The following WWOX variants were observed in gnomAD, a reference collection of about 807,000 sequenced individuals.
WWOX encodes the protein WW domain-containing oxidoreductase.
A neutral mutation model predicts 46.2 loss-of-function variants in WWOX; 69 were observed. The observed-to-expected ratio is 1.49, with a 90% CI of 1.23 to 1.82. WWOX has a LOEUF of 1.82. Ranked by LOEUF, WWOX falls within the 40% of genes most tolerant of loss-of-function variation. The pLI, the probability that WWOX is intolerant of heterozygous loss-of-function variation, is 0.00. For missense variants in WWOX, 919 were observed against 542.6 expected (o/e 1.69, Z -6.89); for synonymous variants, 359 against 202.6 (o/e 1.77, Z -6.56).
intron 8 of WWOX, among the ~76,000 whole-genome samples, chr16:79,154,497 C>G (rs1318000551): frequency 2.3e-5 from 3 of 132,040 alleles, no homozygotes; most frequent in African/African-American, 8.8e-5. Context: ...TTAAAATCCT[C>G]TTTTGCAAAA....
At chr16:78,660,503 C>T (rs1169249467) in intron 8 of WWOX, among the ~76,000 whole-genome samples, 1 of 152,116 alleles carries the variant, frequency 6.6e-6, no homozygotes, top group Non-Finnish European at 1.5e-5. Context: ...AAAGCTCCTT[C>T]TGTCTTTTTT....
intron 6 of WWOX, among the ~76,000 whole-genome samples, chr16:78,415,280 C>G (rs963297161): frequency 6.6e-6 from 1 of 151,950 alleles, no homozygotes; most frequent in African/African-American, 2.4e-5. Context: ...GTGGGAGTGT[C>G]TCTTAGCGTG....
intron 8 of WWOX, among the ~76,000 whole-genome samples, chr16:78,847,818 G>A (rs1465601903): frequency 2.6e-5 from 4 of 151,986 alleles, no homozygotes; most frequent in Non-Finnish European, 5.9e-5. Context: ...TTCCCTCACC[G>A]CATCAACACC....
At chr16:78,383,321 G>C (rs1401756881) in intron 5 of WWOX, among the ~76,000 whole-genome samples, 1 of 152,156 alleles carries the variant, frequency 6.6e-6, no homozygotes, top group Non-Finnish European at 1.5e-5. Context: ...TATGGGGGAA[G>C]CTGGATGATG....
intron 8 of WWOX, among the ~76,000 whole-genome samples, chr16:78,597,610 TAA>T (rs997445835): frequency 6.6e-6 from 1 of 152,144 alleles, no homozygotes; most frequent in Non-Finnish European, 1.5e-5. Context: ...TTAACCTCAT[TAA>T]GTTTAAAATT....
At chr16:79,211,383 T>G (rs1286992649) in intron 8 of WWOX, among the ~76,000 whole-genome samples, 1 of 152,182 alleles carries the variant, frequency 6.6e-6, no homozygotes, top group Non-Finnish European at 1.5e-5. Context: ...GTGTCAAAAG[T>G]TACACCAGCT....
chr16:79,001,541 G>C (rs898706182), intron 8 of WWOX, among the ~76,000 whole-genome samples: 3 of 152,128 alleles, frequency 2.0e-5, no homozygotes, highest in Non-Finnish European at 2.9e-5. Flanking sequence ...TTTGCCCATA[G>C]AGATTATCCT....
rs371062252 is a variant in WWOX at position 78,945,958 on chromosome 16, G to A, written c.1057-265650G>A. On this transcript the variant is annotated intron_variant, in intron 8 of 8. Transcript: ENST00000566780. The stretch of plus-strand genomic sequence containing the variant: ...AGTCATTTTCTCATCCGTCTCTTCA[G>A]GCTAATAATCACCTGTCCTGCCTTC... Among the ~76,000 whole-genome samples the A allele has an allele frequency of 3.3e-5, 5 of 152,006 alleles. No individual in the cohort carries two copies. In the East Asian group the frequency reaches 9.7e-4, roughly 29 times the overall value.
intron 8 of WWOX, among the ~76,000 whole-genome samples, chr16:79,042,960 A>C (rs2048000613): frequency 6.6e-6 from 1 of 152,122 alleles, no homozygotes; most frequent in Non-Finnish European, 1.5e-5. Flanking sequence ...CTCATTTCTC[A>C]TCCTTCTTGA....
At chr16:78,232,742 T>C (rs964394358) in intron 5 of WWOX, among the ~76,000 whole-genome samples, 2 of 152,230 alleles carry the variant, frequency 1.3e-5, no homozygotes, top group Non-Finnish European at 2.9e-5. Context: ...AAAAACTCTT[T>C]GAAAAATGTA....
In WWOX at chr16:78,458,445, G is replaced by C. The variant is rs547877855; in HGVS notation, c.1056+25693G>C. 1.1e-4 allele frequency among the ~76,000 whole-genome samples: 16 copies of C among 151,896 alleles called. 1 individual carries two copies. The South Asian group carries it at 3.1e-3, about 30-fold the overall frequency. On this transcript the variant is annotated intron_variant, in intron 8 of 8. Transcript: ENST00000566780. Reference sequence around the variant, plus strand: ...CGGCTAATGTTTTTAATTTTTTATAGAGACAAGGTTTCCCTATGTTGCCCA... The same window carrying C: ...CGGCTAATGTTTTTAATTTTTTATACAGACAAGGTTTCCCTATGTTGCCCA...
chr16:78,481,927 A>G (rs1375708293), intron 8 of WWOX, among the ~76,000 whole-genome samples: 1 of 152,128 alleles, frequency 6.6e-6, no homozygotes, highest in African/African-American at 2.4e-5. Context: ...TTCCTTACCC[A>G]AAGATTTCGT....
intron 8 of WWOX, among the ~76,000 whole-genome samples, chr16:78,798,019 A>G (rs2050789130): frequency 6.6e-6 from 1 of 152,060 alleles, no homozygotes; most frequent in East Asian, 1.9e-4. Context: ...CTAAAAATTC[A>G]CTGGAGCTAT....
chr16:78,265,623 A>G (rs1032434497), intron 5 of WWOX, among the ~76,000 whole-genome samples: 17 of 151,772 alleles, frequency 1.1e-4, no homozygotes, highest in Non-Finnish European at 4.4e-5. Flanking sequence ...GGTTGCAGTC[A>G]GCTGAGATTG....
chr16:78,368,164 C>T (rs764229700), intron 5 of WWOX, among the ~76,000 whole-genome samples: 52 of 152,078 alleles, frequency 3.4e-4, no homozygotes, highest in Admixed American at 2.6e-3. Flanking sequence ...GGCTCAGTAG[C>T]GTAGAATAAG....
intron 8 of WWOX, among the ~76,000 whole-genome samples, chr16:78,598,168 C>A (rs1291603758): frequency 6.6e-6 from 1 of 152,240 alleles, no homozygotes; most frequent in East Asian, 1.9e-4. Flanking sequence ...ATAGGAGGAA[C>A]TGATTTTCAA....
At chr16:78,358,702 A>C (rs901058982) in intron 5 of WWOX, among the ~76,000 whole-genome samples, 1 of 151,942 alleles carries the variant, frequency 6.6e-6, no homozygotes, top group African/African-American at 2.4e-5. Context: ...GTGTATGTAC[A>C]TGAATTATAT....
At chr16:79,178,255 C>G (rs1293878442) in intron 8 of WWOX, among the ~76,000 whole-genome samples, 1 of 152,050 alleles carries the variant, frequency 6.6e-6, no homozygotes, top group Non-Finnish European at 1.5e-5. Flanking sequence ...TTACAAAAAA[C>G]AAAAAACAGT....
intron 8 of WWOX, among the ~76,000 whole-genome samples, chr16:78,697,220 GTTC>G (rs2048119412): frequency 6.6e-6 from 1 of 152,178 alleles, no homozygotes; most frequent in African/African-American, 2.4e-5. Flanking sequence ...TCTACTTTTA[GTTC>G]TTCAAGAACT....
Sources: gnomAD v4.1 joint callset for allele counts (sites outside exome capture counted in the v4.1 genomes callset) on GRCh38, gnomAD v4.1.1 for gene constraint, MANE v1.5 for transcripts, NCBI Gene and HGNC (gene_info 2026-07-23, HGNC 2026-07-21) for gene names.